The following TNKS variants were observed in gnomAD, a reference collection of about 807,000 sequenced individuals.
TNKS encodes the protein tankyrase, also known as poly [ADP-ribose] polymerase tankyrase-1.
A neutral mutation model predicts 135.8 loss-of-function variants in TNKS; 72 were observed. The ratio of observed to expected loss-of-function variants is 0.53; its 90% CI spans 0.44 to 0.64. The LOEUF (loss-of-function observed/expected upper bound fraction) is 0.64, where lower values mean the gene tolerates loss of function less well. Ranked by LOEUF, TNKS falls within the 30% of genes least tolerant of loss-of-function variation. TNKS has a pLI of 0.00. For missense variants in TNKS, 1,769 were observed against 1,674.0 expected, an observed-to-expected ratio of 1.06 and a Z score of -0.99; for synonymous variants, 849 against 649.3, an observed-to-expected ratio of 1.31 and a Z score of -4.68.
intron 2 of TNKS, among the ~76,000 whole-genome samples, chr8:9,606,860 C>A (rs143398513): frequency 6.6e-6 from 1 of 151,858 alleles, no homozygotes; most frequent in Non-Finnish European, 1.5e-5. Context: ...TTAAAATCAC[C>A]CTTAACTTAT....
At position 9,556,261 on chromosome 8, in the gene TNKS, G is replaced by A. The variant is rs1369375271; in HGVS notation, c.322G>A (p.Val108Ile). 1.2e-6 allele frequency: 2 copies of A among 1,614,272 alleles called. No homozygotes were observed. Among genetic ancestry groups the A allele is most frequent in the Admixed American group, 1.7e-5 (1 of 60,036 alleles). ...CGCCGCCGCTCCCGTGGTCCCAGCG[G>A]TTTCTACTTCATCTGCCGCTGGGGT... ...TVAAAPVVPAVSTSSAAGVAP... is the reference protein window; with the variant it reads ...TVAAAPVVPAISTSSAAGVAP... Residue 108 changes from valine (V) to isoleucine (I), a missense_variant, in exon 1 of 27, where the codon GTT (valine) becomes ATT (isoleucine). Transcript: ENST00000310430.
chr8:9,609,945 C>T (rs1479152474), intron 2 of TNKS, among the ~76,000 whole-genome samples: 1 of 152,134 alleles, frequency 6.6e-6, no homozygotes, highest in Non-Finnish European at 1.5e-5. Flanking sequence ...GCAAGCTCCA[C>T]CTCCCGGGTT....
intron 2 of TNKS, among the ~76,000 whole-genome samples, chr8:9,611,181 T>G (rs79521171): frequency 6.6e-6 from 1 of 152,234 alleles, no homozygotes; most frequent in Non-Finnish European, 1.5e-5. Context: ...AGGAGATGAA[T>G]AGAGCTGAGA....
intron 2 of TNKS, among the ~76,000 whole-genome samples, chr8:9,584,525 C>G (rs62493905): frequency 4.6e-5 from 7 of 152,094 alleles, no homozygotes; most frequent in African/African-American, 1.7e-4. Context: ...CTACTCTTAG[C>G]TCTACAGCTT....
At chr8:9,575,382 T>C in intron 1 of TNKS, 1 of 985,282 alleles carries the variant, frequency 1.0e-6, no homozygotes, top group Non-Finnish European at 1.2e-6. Flanking sequence ...CGGCGGATAA[T>C]TTTTTAAGAG....
chr8:9,621,457 C>T (rs1461472954), intron 3 of TNKS, among the ~76,000 whole-genome samples: 2 of 152,124 alleles, frequency 1.3e-5, no homozygotes, highest in Non-Finnish European at 2.9e-5. Flanking sequence ...CAGGCATGTG[C>T]CACCACGCTC....
In TNKS at chr8:9,642,657, A is replaced by C. The variant is rs1022786061; in HGVS notation, c.994+26980A>C. Among the ~76,000 whole-genome samples, 34 of 146,214 alleles carry C rather than the reference A, an allele frequency of 2.3e-4. 2 individuals are homozygous for C. Among genetic ancestry groups the C allele is most frequent in the African/African-American group, 8.6e-4 (34 of 39,568 alleles). Reference sequence around the variant, plus strand: ...AATATACTGCAGTTTAGAATATTGAACATCATTTTTCTTTTTTTAGCCCTA... The same window carrying C: ...AATATACTGCAGTTTAGAATATTGACCATCATTTTTCTTTTTTTAGCCCTA... On this transcript the variant is annotated intron_variant, in intron 3 of 26. Transcript: ENST00000310430.
chr8:9,767,792 T>A (rs369345635), intron 25 of TNKS, among the ~76,000 whole-genome samples: 1 of 151,946 alleles, frequency 6.6e-6, no homozygotes, highest in African/African-American at 2.4e-5. Context: ...ACCCCGTCTC[T>A]ACTAAAAATA....
At position 9,766,206 on chromosome 8, in the gene TNKS, C is replaced by A. The variant is rs559222949; in HGVS notation, c.3554-33C>A. The A allele has an allele frequency of 3.2e-6, 5 of 1,571,872 alleles. No homozygotes were observed. The South Asian group carries it at 3.5e-5, about 11-fold the overall frequency. On this transcript the variant is annotated intron_variant, in intron 24 of 26. Coordinates refer to ENST00000310430, the MANE Select transcript of TNKS (RefSeq NM_003747.3). Reference sequence around the variant, plus strand: ...GTAATTGAGCTTCTAGAAAAGTGTTCAAAAACGAATCTTTCTGTCTTCGTA... The same window carrying A: ...GTAATTGAGCTTCTAGAAAAGTGTTAAAAAACGAATCTTTCTGTCTTCGTA...
intron 3 of TNKS, among the ~76,000 whole-genome samples, chr8:9,620,707 C>G (rs998841961): frequency 6.6e-6 from 1 of 152,194 alleles, no homozygotes; most frequent in Admixed American, 6.5e-5. Flanking sequence ...AAGCTATTTA[C>G]TGAAACTGGA....
At chr8:9,722,662 A>G (rs1804950327) in intron 12 of TNKS, among the ~76,000 whole-genome samples, 1 of 152,136 alleles carries the variant, frequency 6.6e-6, no homozygotes, top group South Asian at 2.1e-4. Context: ...CTTCCCTCTC[A>G]GTAAATTCTA....
At chr8:9,612,142 A>G (rs1799486196) in intron 2 of TNKS, among the ~76,000 whole-genome samples, 1 of 152,210 alleles carries the variant, frequency 6.6e-6, no homozygotes, top group African/African-American at 2.4e-5. Flanking sequence ...TGAGGCCCAG[A>G]GAATTTCTTG....
Position 9,748,034 on chromosome 8 carries a change from T to C in TNKS, c.2654T>C (p.Ile885Thr). 1.9e-6 allele frequency: 3 copies of C among 1,608,064 alleles called. No individual in the cohort carries two copies. Among genetic ancestry groups the C allele is most frequent in the Non-Finnish European group, 2.5e-6 (3 of 1,177,812 alleles). The part of the protein sequence containing the change: ...HNAASYGHVD[I>T]AALLIKYNTC... The stretch of plus-strand genomic sequence containing the variant: ...TTTCTTTTTTTTCAGCATGTTGACA[T>C]AGCGGCTTTATTGATAAAATACAAC... Residue 885 changes from isoleucine to threonine, a missense_variant, in exon 18 of 27, where the codon ATA becomes ACA. By Grantham distance (89) the Ile-to-Thr change is moderately conservative (BLOSUM62 -1). This residue lies in a region of TNKS where 722 missense variants were observed against 688.9 expected (regional missense o/e 1.05). Transcript: ENST00000310430.
chr8:9,763,622 A>C (rs1357678207), intron 22 of TNKS, among the ~76,000 whole-genome samples: 1 of 152,186 alleles, frequency 6.6e-6, no homozygotes, highest in African/African-American at 2.4e-5. Flanking sequence ...GTTTTTATGC[A>C]GTTATAAATG....
In TNKS at chr8:9,778,251, C is replaced by A. The variant is rs749927569; in HGVS notation, c.*1515C>A. On this transcript the variant is annotated 3_prime_UTR_variant, in exon 27 of 27. Transcript: ENST00000310430. ...CTTGATATACTGTGCATCTACTCTG[C>A]TTTGAAGCGAAAGAAATATAAACAC... 1 of 152,344 alleles carries A rather than the reference C, an allele frequency of 6.6e-6. No individual in the cohort carries two copies. Among genetic ancestry groups the A allele is most frequent in the Non-Finnish European group, 1.5e-5 (1 of 68,020 alleles). The allele number at this position is 152,344 out of a possible 1,614,324, so 9.4% of individuals were successfully genotyped here.
Position 9,734,954 on chromosome 8 carries a change from G to C in TNKS, c.2403G>C (p.Leu801=). The stretch of plus-strand genomic sequence containing the variant: ...GAGACACAGATATTCAGGACTTACT[G>C]AGAGGGGATGCTGCTTTGTTGGATG... The part of the protein sequence containing the change: ...KEGDTDIQDL[L]RGDAALLDAA... The change falls in exon 16 of 27, where the codon CTG becomes CTC. Residue 801 remains leucine (L), a synonymous_variant. Transcript: ENST00000310430. 1.2e-6 allele frequency: 2 copies of C among 1,614,182 alleles called. No homozygotes were observed. The highest frequency in any genetic ancestry group is 1.7e-6 in the Non-Finnish European group (2 of 1,180,026).
chr8:9,615,972 C>G (rs1799631044), intron 3 of TNKS, among the ~76,000 whole-genome samples: 1 of 152,116 alleles, frequency 6.6e-6, no homozygotes, highest in Non-Finnish European at 1.5e-5. Flanking sequence ...ATCTCATCCT[C>G]TCAGTTGTTT....
chr8:9,660,304 A>G (rs1801633059), intron 3 of TNKS, among the ~76,000 whole-genome samples: 1 of 152,210 alleles, frequency 6.6e-6, no homozygotes, highest in Admixed American at 6.5e-5. Context: ...TTTTAGACCA[A>G]TATCCTTGAT....
rs1807401746 is a variant in TNKS at position 9,765,732 on chromosome 8, G to A, written c.3488G>A (p.Cys1163Tyr). ...AACAAGAAGTTGAGGGAGCGGTTCT[G>A]CCACCGACAGAAGGAAGTGTCTGAG... Reference protein sequence around the residue: ...VVNKKLRERFCHRQKEVSEEN... With the variant: ...VVNKKLRERFYHRQKEVSEEN... The change falls in exon 24 of 27, where the codon TGC becomes TAC. Residue 1163 changes from cysteine (C) to tyrosine (Y), a missense_variant. This residue lies in a region of TNKS where 722 missense variants were observed against 688.9 expected (regional missense o/e 1.05). Transcript: ENST00000310430. 9.3e-6 allele frequency: 15 copies of A among 1,613,842 alleles called. No individual in the cohort carries two copies. Among genetic ancestry groups the A allele is most frequent in the Non-Finnish European group, 1.3e-5 (15 of 1,179,920 alleles).
Sources: allele counts gnomAD v4.1 joint callset (sites outside exome capture counted in the v4.1 genomes callset), GRCh38; gene constraint gnomAD v4.1.1; regional missense constraint gnomAD v4.1.1; transcripts MANE v1.5; gene names NCBI Gene and HGNC (gene_info 2026-07-23, HGNC 2026-07-21).